Variants in MYO3B observed in about 807,000 individuals in gnomAD.
MYO3B encodes the protein myosin IIIB, also known as myosin-IIIb.
MYO3B carries 156 observed loss-of-function variants against 174.6 expected under a neutral mutation model. That is an observed-to-expected ratio of 0.89 (90% CI 0.78 to 1.02). The LOEUF (loss-of-function observed/expected upper bound fraction) is 1.02, where lower values mean the gene tolerates loss of function less well. Ranked by LOEUF, MYO3B falls within the 50% of genes least tolerant of loss-of-function variation. The probability of loss-of-function intolerance (pLI) is 0.00; values close to 1 mark genes in which losing one functional copy is unlikely to be tolerated. For synonymous variants in MYO3B, 563 were observed against 569.1 expected (o/e 0.99, Z 0.15); for missense variants, 1,632 against 1,639.4 (o/e 1.00, Z 0.08).
intron 1 of MYO3B, among the ~76,000 whole-genome samples, chr2:170,188,735 G>T (rs112512013): frequency 6.6e-6 from 1 of 152,108 alleles, no homozygotes; most frequent in African/African-American, 2.4e-5. Flanking sequence ...CAGGCAAAGA[G>T]AAATTAATGA....
At chr2:170,366,584 C>T (rs146197794) in intron 8 of MYO3B, among the ~76,000 whole-genome samples, 3 of 152,278 alleles carry the variant, frequency 2.0e-5, no homozygotes, top group East Asian at 3.9e-4. Context: ...TGAGCCACCA[C>T]GCCTGGCCAA....
At chr2:170,626,087 A>T (rs573213310) in intron 32 of MYO3B, among the ~76,000 whole-genome samples, 11 of 152,212 alleles carry the variant, frequency 7.2e-5, no homozygotes, top group Non-Finnish European at 1.5e-4. Flanking sequence ...GAGCAGAGCT[A>T]AATTCATTTC....
Position 170,519,545 on chromosome 2 carries a change from G to T in MYO3B, c.3575+5G>T. On this transcript the variant is annotated splice_donor_5th_base_variant and intron_variant, in intron 30 of 34. Transcript: ENST00000408978. ...TGCTGTCACAGAGAAAAATGGGTGA[G>T]CATTATCTGCTAAGAGTTCCCTGTT... 5 of 1,610,718 alleles carry T rather than the reference G, an allele frequency of 3.1e-6. No homozygotes were observed. The highest frequency in any genetic ancestry group is 2.5e-6 in the Non-Finnish European group (3 of 1,177,100).
intron 32 of MYO3B, among the ~76,000 whole-genome samples, chr2:170,613,574 T>C (rs553687030): frequency 1.3e-5 from 2 of 152,348 alleles, no homozygotes; most frequent in African/African-American, 4.8e-5. Flanking sequence ...TGATGGTTAA[T>C]ACTGAGTGTC....
chr2:170,291,171 C>T (rs2093593197), intron 7 of MYO3B, among the ~76,000 whole-genome samples: 2 of 152,022 alleles, frequency 1.3e-5, no homozygotes, highest in Admixed American at 1.3e-4. Context: ...ATTGCTGGAA[C>T]CTGGGAGGCA....
At position 170,409,960 on chromosome 2, in the gene MYO3B, C is replaced by T. The variant is rs571768855; in HGVS notation, c.2650+2116C>T. ...TACAGCCTTTGAAGATGGGAAACCT[C>T]ACTGGACAGAAATAAGTTATGCTGT... is the stretch of plus-strand genomic sequence containing the variant. On this transcript the variant is annotated intron_variant, in intron 22 of 34. Coordinates refer to ENST00000408978, the MANE Select transcript of MYO3B (RefSeq NM_138995.5). 2.6e-5 allele frequency among the ~76,000 whole-genome samples: 4 copies of T among 152,320 alleles called. No individual in the cohort carries two copies. In the South Asian group the frequency reaches 8.3e-4, roughly 32 times the overall value.
At chr2:170,300,134 T>C (rs936331578) in intron 7 of MYO3B, among the ~76,000 whole-genome samples, 10 of 152,236 alleles carry the variant, frequency 6.6e-5, no homozygotes, top group African/African-American at 1.2e-4. Flanking sequence ...TCTGGCTTTC[T>C]TCTTTGGGCA....
chr2:170,599,464 T>G (rs1478908361), intron 32 of MYO3B, among the ~76,000 whole-genome samples: 1 of 152,226 alleles, frequency 6.6e-6, no homozygotes, highest in Non-Finnish European at 1.5e-5. Flanking sequence ...TTGTTTGTTT[T>G]TACCGTTAAA....
chr2:170,538,266 A>G (rs1689857180), intron 30 of MYO3B, among the ~76,000 whole-genome samples: 1 of 152,248 alleles, frequency 6.6e-6, no homozygotes, highest in Non-Finnish European at 1.5e-5. Flanking sequence ...TCAACCAACT[A>G]GAGAGGGGAA....
chr2:170,653,055 G>A lies in MYO3B; in HGVS notation c.3960G>A (p.Glu1320=). 1 of 1,614,172 alleles carries A rather than the reference G, an allele frequency of 6.2e-7. No individual in the cohort carries two copies. Among genetic ancestry groups the A allele is most frequent in the Admixed American group, 1.7e-5 (1 of 60,020 alleles). ...SLSPVDCIPE[E]NNSAHPSFFS... ...CACCAGTGGACTGTATCCCTGAGGA[G>A]AACAACTCAGCCCACCCTTCCTTTT... The change falls in exon 35 of 35, where the codon GAG becomes GAA. Residue 1320 remains glutamate, a synonymous_variant. Transcript: ENST00000408978.
chr2:170,316,613 T>G (rs1335193087), intron 7 of MYO3B, among the ~76,000 whole-genome samples: 2 of 152,220 alleles, frequency 1.3e-5, no homozygotes, highest in African/African-American at 4.8e-5. Flanking sequence ...TACTTCCTGA[T>G]GTGTGAACAA....
chr2:170,469,119 G>A (rs979154441), intron 25 of MYO3B, among the ~76,000 whole-genome samples: 3 of 152,118 alleles, frequency 2.0e-5, no homozygotes, highest in African/African-American at 7.2e-5. Flanking sequence ...CAGGGCGACG[G>A]AGTGAGACTT....
chr2:170,290,562 A>G (rs2093589030), intron 7 of MYO3B, among the ~76,000 whole-genome samples: 1 of 152,042 alleles, frequency 6.6e-6, no homozygotes, highest in Non-Finnish European at 1.5e-5. Context: ...TTTTCAGTCT[A>G]TGTGTATCTT....
chr2:170,542,524 A>C (rs563380838), intron 30 of MYO3B, among the ~76,000 whole-genome samples: 1 of 152,202 alleles, frequency 6.6e-6, no homozygotes, highest in Non-Finnish European at 1.5e-5. Context: ...AATCCATTTT[A>C]AGTTCTGTAA....
intron 7 of MYO3B, among the ~76,000 whole-genome samples, chr2:170,249,557 C>G (rs1352800487): frequency 1.3e-5 from 2 of 152,206 alleles, no homozygotes; most frequent in Non-Finnish European, 2.9e-5. Flanking sequence ...AATATTAGAA[C>G]TTCTGTTCCT....
intron 25 of MYO3B, among the ~76,000 whole-genome samples, chr2:170,481,362 A>G (rs1470034769): frequency 6.6e-6 from 1 of 152,148 alleles, no homozygotes; most frequent in African/African-American, 2.4e-5. Context: ...AGGTGGGTGG[A>G]TCACTTGAGC....
At chr2:170,370,265 G>A (rs2094230812) in intron 9 of MYO3B, among the ~76,000 whole-genome samples, 1 of 152,144 alleles carries the variant, frequency 6.6e-6, no homozygotes, top group African/African-American at 2.4e-5. Flanking sequence ...TAAGTTACAA[G>A]TTCTGGAAAT....
chr2:170,297,554 A>G (rs1559368026), intron 7 of MYO3B, among the ~76,000 whole-genome samples: 1 of 152,216 alleles, frequency 6.6e-6, no homozygotes, highest in African/African-American at 2.4e-5. Context: ...TTACTGACTG[A>G]TAGAGGGGAA....
intron 16 of MYO3B, among the ~76,000 whole-genome samples, chr2:170,398,430 C>A (rs1438420764): frequency 6.6e-6 from 1 of 152,078 alleles, no homozygotes; most frequent in Non-Finnish European, 1.5e-5. Flanking sequence ...ATTATATTCA[C>A]ATGATTGGTT....
Sources: gnomAD v4.1 joint callset for allele counts (sites outside exome capture counted in the v4.1 genomes callset) on GRCh38, gnomAD v4.1.1 for gene constraint, MANE v1.5 for transcripts, NCBI Gene and HGNC (gene_info 2026-07-23, HGNC 2026-07-21) for gene names.